Variants in DHODH observed in about 807,000 individuals in gnomAD.
DHODH encodes the protein dihydroorotate dehydrogenase (quinone), mitochondrial.
A neutral mutation model predicts 39.7 loss-of-function variants in DHODH; 30 were observed. The observed-to-expected ratio is 0.76, with a 90% CI of 0.57 to 1.02. DHODH has a LOEUF of 1.02. Ranked by LOEUF, DHODH falls within the 50% of genes least tolerant of loss-of-function variation. DHODH has a pLI of 0.00. For missense variants in DHODH, 531 were observed against 520.8 expected (o/e 1.02, Z -0.19); for synonymous variants, 222 against 213.8 (o/e 1.04, Z -0.34).
chr16:72,018,025 C>T (rs763860444), intron 4 of DHODH, among the ~76,000 whole-genome samples: 4 of 152,140 alleles, frequency 2.6e-5, no homozygotes, highest in South Asian at 2.1e-4. Flanking sequence ...CCGCCTGCCT[C>T]GGCCTCCCAA....
chr16:72,020,349 ATATATGTGTATATATATATATATT>A (rs2041194995), intron 4 of DHODH: 2 of 115,850 alleles, frequency 1.7e-5, no homozygotes, highest in African/African-American at 8.1e-5. Flanking sequence ...ATATATATAT[ATATATGTGTATATATATATATATT>A]TTTTTTTTTT....
chr16:72,010,389 T>G (rs1288675042), intron 1 of DHODH, among the ~76,000 whole-genome samples: 1 of 152,234 alleles, frequency 6.6e-6, no homozygotes, highest in Non-Finnish European at 1.5e-5. Flanking sequence ...AGTCATTTCC[T>G]TAAGGAAGCC....
rs886052278 is a variant in DHODH, at chr16:72,023,165, T to C, written c.820T>C (p.Leu274=). The C allele has an allele frequency of 1.4e-5, 23 of 1,614,096 alleles. No homozygotes were observed. In the Admixed American group the frequency reaches 1.7e-4, roughly 12 times the overall value. The part of the protein sequence containing the change: ...KEDIASVVKE[L]GIDGLIVTNT... Reference sequence around the variant, plus strand: ...GCTTTTTCTCTATCTCGCACTGCAGTTGGGCATCGATGGGCTGATTGTTAC... The same window carrying C: ...GCTTTTTCTCTATCTCGCACTGCAGCTGGGCATCGATGGGCTGATTGTTAC... The change falls in exon 7 of 9, where the codon TTG becomes CTG. Residue 274 remains leucine (L), a splice_region_variant and synonymous_variant. Coordinates refer to ENST00000219240, the MANE Select transcript of DHODH (RefSeq NM_001361.5).
chr16:72,015,240 G>A (rs2041129394), intron 3 of DHODH, among the ~76,000 whole-genome samples: 1 of 152,182 alleles, frequency 6.6e-6, no homozygotes, highest in African/African-American at 2.4e-5. Flanking sequence ...GTCTTCAAGA[G>A]CCAGTGTGCA....
chr16:72,015,713 G>A (rs2041134546), intron 3 of DHODH: 1 of 985,432 alleles, frequency 1.0e-6, no homozygotes. Context: ...GAATTGGCCA[G>A]GCAAAATATA....
chr16:72,010,424 G>A (rs1415087886), intron 1 of DHODH, among the ~76,000 whole-genome samples: 6 of 152,164 alleles, frequency 3.9e-5, no homozygotes. Flanking sequence ...AGATTAGGTT[G>A]AATACTTCCA....
intron 1 of DHODH, chr16:72,008,990 C>T (rs1193587194): frequency 1.4e-6 from 2 of 1,471,608 alleles, no homozygotes; most frequent in African/African-American, 2.8e-5. Flanking sequence ...GCAGACAGCG[C>T]CTGCAGGTCT....
chr16:72,026,756 G>C lies in DHODH; in HGVS notation c.*2557G>C, dbSNP rs1425603484. The C allele has an allele frequency of 6.6e-6, 1 of 151,978 alleles. No individual in the cohort carries two copies. Among genetic ancestry groups the C allele is most frequent in the Admixed American group, 6.6e-5 (1 of 15,228 alleles). The allele number at this position is 151,978 out of a possible 1,614,324, so 9.4% of individuals were successfully genotyped here. ...AGGATAAGGAGTTGTCTTGCATTCAGGGGCCATGTGGTGTGCGGATACCTA... is the reference window on the plus strand; with the variant it reads ...AGGATAAGGAGTTGTCTTGCATTCACGGGCCATGTGGTGTGCGGATACCTA... On this transcript the variant is annotated 3_prime_UTR_variant, in exon 9 of 9. Transcript: ENST00000219240.
chr16:72,010,584 G>A (rs1440813874), intron 1 of DHODH, among the ~76,000 whole-genome samples: 1 of 152,190 alleles, frequency 6.6e-6, no homozygotes, highest in Non-Finnish European at 1.5e-5. Flanking sequence ...AGTATTTGAT[G>A]AATGACTGAA....
chr16:72,022,562 T>C (rs1330997908), intron 6 of DHODH, 87 bp downstream of exon 6: 5 of 1,067,972 alleles, frequency 4.7e-6, no homozygotes, highest in Non-Finnish European at 7.0e-6. Flanking sequence ...AATGGCGTTC[T>C]TTGTGATTTC....
At chr16:72,016,780 G>A in intron 3 of DHODH, 1 of 471,582 alleles carries the variant, frequency 2.1e-6, no homozygotes, top group Non-Finnish European at 3.9e-6. Flanking sequence ...GTCTGGGGCA[G>A]CTGCTGCTGA....
At chr16:72,023,032 G>A in intron 6 of DHODH, 133 bp from the exon 7 acceptor site, 3 of 823,388 alleles carry the variant, frequency 3.6e-6, no homozygotes, top group Non-Finnish European at 6.1e-6. Flanking sequence ...GAGTAGTGAG[G>A]TCTGGTGTAG....
At chr16:72,021,501 GTGACAAATTA>G in intron 5 of DHODH, among the ~76,000 whole-genome samples, 190 bp downstream of exon 5, 1 of 152,280 alleles carries the variant, frequency 6.6e-6, no homozygotes, top group South Asian at 2.1e-4. Flanking sequence ...ATATGCGACG[GTGACAAATTA>G]TCTGTCCCTG....
chr16:72,015,794 T>G (rs2041135342), intron 3 of DHODH: 1 of 985,456 alleles, frequency 1.0e-6, no homozygotes, highest in South Asian at 4.7e-5. Context: ...ATCCTATAGG[T>G]GAGCAGGGGT....
rs553515676 is a variant in DHODH, at chr16:72,018,161, C to T, written c.517+1055C>T. Among the ~76,000 whole-genome samples the T allele has an allele frequency of 5.3e-5, 8 of 152,278 alleles. No individual in the cohort carries two copies. In the South Asian group the frequency reaches 6.2e-4, roughly 12 times the overall value. ...TTGCTCTCAGGATGCACTTAGTGGT[C>T]GCAGCCCTCTGTTGTCCTGACCCTA... On this transcript the variant is annotated intron_variant, in intron 4 of 8. Coordinates refer to ENST00000219240, the MANE Select transcript of DHODH (RefSeq NM_001361.5).
rs1344620656 is a variant in DHODH, at chr16:72,012,136, C to G, written c.108C>G (p.Phe36Leu). 1 of 1,614,144 alleles carries G rather than the reference C, an allele frequency of 6.2e-7. No individual in the cohort carries two copies. The highest frequency in any genetic ancestry group is 8.5e-7 in the Non-Finnish European group (1 of 1,180,016). ...SYLMATGDER[F>L]YAEHLMPTLQ... ...TGATGGCCACGGGAGATGAGCGTTT[C>G]TATGCTGAACACCTGATGCCGACTC... Residue 36 changes from phenylalanine to leucine, a missense_variant, in exon 2 of 9, where the codon TTC becomes TTG. By Grantham distance (22) the Phe-to-Leu change is conservative. Coordinates refer to ENST00000219240, the MANE Select transcript of DHODH (RefSeq NM_001361.5).
rs899754061 is a variant in DHODH, at chr16:72,024,774, C to G, written c.*575C>G. 6.5e-6 allele frequency: 1 copy of G among 153,726 alleles called. No homozygotes were observed. Among genetic ancestry groups the G allele is most frequent in the Non-Finnish European group, 1.4e-5 (1 of 69,052 alleles). 9.5% of individuals were successfully genotyped at this position (153,726 alleles called of 1,614,324 possible). A position where few individuals can be genotyped will look rare whatever the true frequency, so the allele number is the denominator to read the frequency against. Reference sequence around the variant, plus strand: ...CCTGAGGCCAGGAGTTGGAGACCAGCCAGGCCACCATGGTGAAACCCTGTC... The same window carrying G: ...CCTGAGGCCAGGAGTTGGAGACCAGGCAGGCCACCATGGTGAAACCCTGTC... On this transcript the variant is annotated 3_prime_UTR_variant, in exon 9 of 9. Coordinates refer to ENST00000219240, the MANE Select transcript of DHODH (RefSeq NM_001361.5).
Position 72,023,283 on chromosome 16 carries a change from C to T in DHODH, c.938C>T (p.Thr313Ile). The T allele has an allele frequency of 6.2e-7, 1 of 1,614,226 alleles. No homozygotes were observed. The highest frequency in any genetic ancestry group is 8.5e-7 in the Non-Finnish European group (1 of 1,180,050). Residue 313 changes from threonine (T) to isoleucine (I), a missense_variant, in exon 7 of 9, where the codon ACT becomes ATT. Thr to Ile is a moderately conservative substitution (Grantham distance 89). Transcript: ENST00000219240. ...GGGAAGCCCCTCCGGGATTTATCAA[C>T]TCAAACCATTCGGGAGATGTATGCA... ...LSGKPLRDLS[T>I]QTIREMYALT...
In DHODH at chr16:72,023,330, C is replaced by T. The variant is rs370693021; in HGVS notation, c.973+12C>T. On this transcript the variant is annotated intron_variant, in intron 7 of 8. Coordinates refer to ENST00000219240, the MANE Select transcript of DHODH (RefSeq NM_001361.5). ...TGCACTCACCCAAGGCAAGGTTTCC[C>T]GTGTTTGTGTCTTCAGATCTGCGTG... 106 of 1,614,080 alleles carry T rather than the reference C, an allele frequency of 6.6e-5. No homozygotes were observed. The Middle Eastern group carries it at 6.6e-4, about 10-fold the overall frequency.
Sources: allele counts gnomAD v4.1 joint callset (sites outside exome capture counted in the v4.1 genomes callset), GRCh38; gene constraint gnomAD v4.1.1; transcripts MANE v1.5; gene names NCBI Gene and HGNC (gene_info 2026-07-23, HGNC 2026-07-21).